SLC12A1: variants seen among roughly 807,000 people sequenced by gnomAD.
The protein encoded by SLC12A1 is solute carrier family 12 member 1, also known as Na-K-2Cl cotransporter.
In SLC12A1, 89 loss-of-function variants were observed where a neutral mutation model predicts 130.4. That is an observed-to-expected ratio of 0.68 (90% CI 0.58 to 0.81). The LOEUF is 0.81. Ranked by LOEUF, SLC12A1 falls within the 40% of genes least tolerant of loss-of-function variation. The probability of loss-of-function intolerance (pLI) is 0.00; values close to 1 mark genes in which losing one functional copy is unlikely to be tolerated. For synonymous variants in SLC12A1, 499 were observed against 460.0 expected (o/e 1.08, Z -1.09); for missense variants, 1,310 against 1,336.4 (o/e 0.98, Z 0.31).
intron 21 of SLC12A1, among the ~76,000 whole-genome samples, chr15:48,287,761 A>G (rs1003137962): frequency 5.3e-5 from 8 of 152,216 alleles, no homozygotes; most frequent in African/African-American, 1.7e-4. Flanking sequence ...GAGACAGATT[A>G]CTAAAGGTCT....
chr15:48,214,950 G>T (rs966893741), intron 2 of SLC12A1, among the ~76,000 whole-genome samples: 2 of 151,424 alleles, frequency 1.3e-5, no homozygotes, highest in African/African-American at 4.9e-5. Flanking sequence ...ACTGTCTCTC[G>T]GTGGTGGTCT....
chr15:48,247,211 A>G (rs760501663), intron 12 of SLC12A1, 126 bp from the exon 13 acceptor site: 2 of 979,688 alleles, frequency 2.0e-6, no homozygotes, highest in Non-Finnish European at 3.1e-6. Context: ...GATAAACTGC[A>G]GTGTTAACTT....
chr15:48,215,734 AC>A, intron 2 of SLC12A1, among the ~76,000 whole-genome samples: 1 of 152,346 alleles, frequency 6.6e-6, no homozygotes, highest in Admixed American at 6.5e-5. Flanking sequence ...AAAGAGTGAA[AC>A]AAAGGTTTGC....
In SLC12A1 at chr15:48,207,997, C is replaced by T; in HGVS notation, c.278C>T (p.Thr93Ile). The T allele has an allele frequency of 4.3e-6, 7 of 1,613,986 alleles. No individual in the cohort carries two copies. The highest frequency in any genetic ancestry group is 5.9e-6 in the Non-Finnish European group (7 of 1,179,888). The change falls in exon 2 of 27, where the codon ACA becomes ATA. Residue 93 changes from threonine (T) to isoleucine (I), a missense_variant. Physicochemically the swap from Thr to Ile is moderately conservative, Grantham distance 89. Transcript: ENST00000380993. ...DASFHAYDSHTNTYYLQTFGH... is the reference protein window; with the variant it reads ...DASFHAYDSHINTYYLQTFGH... ...AGTTTTCACGCTTATGATTCTCACA[C>T]AAACACATACTATCTACAAACTTTT...
At chr15:48,271,974 TCAATGAA>T (rs2041903343) in intron 19 of SLC12A1, among the ~76,000 whole-genome samples, 1 of 152,182 alleles carries the variant, frequency 6.6e-6, no homozygotes, top group South Asian at 2.1e-4. Flanking sequence ...GTGTAAATCT[TCAATGAA>T]ATAGTCCATT....
chr15:48,293,816 G>T (rs1168458948), intron 24 of SLC12A1, among the ~76,000 whole-genome samples: 2 of 151,628 alleles, frequency 1.3e-5, no homozygotes. Context: ...AGGCCAAGAC[G>T]GGAGGATCAC....
At position 48,301,374 on chromosome 15, in the gene SLC12A1, C is replaced by T. The variant is rs2042230240; in HGVS notation, c.3156C>T (p.Leu1052=). 1.3e-6 allele frequency: 2 copies of T among 1,587,032 alleles called. No homozygotes were observed. The highest frequency in any genetic ancestry group is 1.7e-6 in the Non-Finnish European group (2 of 1,165,040). ...AGGAGCACTCCAGAGCTGCTAATCT[C>T]ATTGTCCTGTAAGTATCATTGCAAG... ...LLQEHSRAAN[L]IVLSLPVARK... The change falls in exon 26 of 27, where the codon CTC becomes CTT. Residue 1052 remains leucine (L), a synonymous_variant. Transcript: ENST00000380993.
In SLC12A1 at chr15:48,291,825, A is replaced by G. The variant is rs778813615; in HGVS notation, c.2921A>G (p.His974Arg). The G allele has an allele frequency of 3.2e-6, 5 of 1,572,574 alleles. No homozygotes were observed. Among genetic ancestry groups the G allele is most frequent in the South Asian group, 1.2e-5 (1 of 85,256 alleles). ...TTTAGGATAAAATTTGCAGACATCC[A>G]TATCATCGGTGACATCAACATTAGG... ...SKFRIKFADI[H>R]IIGDINIRPN... The change falls in exon 24 of 27, where the codon CAT becomes CGT. Residue 974 changes from histidine to arginine, a missense_variant. His to Arg is a conservative substitution (Grantham distance 29, BLOSUM62 0). Transcript: ENST00000380993.
chr15:48,280,583 G>A (rs1203063678), intron 20 of SLC12A1, among the ~76,000 whole-genome samples: 2 of 151,956 alleles, frequency 1.3e-5, no homozygotes, highest in Non-Finnish European at 2.9e-5. Flanking sequence ...GTAGCAATGT[G>A]GCCTTATAAA....
intron 23 of SLC12A1, among the ~76,000 whole-genome samples, chr15:48,288,917 C>T (rs979153786): frequency 4.6e-5 from 7 of 152,260 alleles, no homozygotes; most frequent in Middle Eastern, 3.4e-3. Context: ...ATGGCAGTCA[C>T]TCTTAGAACA....
intron 23 of SLC12A1, among the ~76,000 whole-genome samples, chr15:48,289,133 T>C (rs886315623): frequency 6.6e-6 from 1 of 151,730 alleles, no homozygotes; most frequent in Non-Finnish European, 1.5e-5. Context: ...TCTGTATCTT[T>C]CTCATTAATT....
intron 2 of SLC12A1, among the ~76,000 whole-genome samples, chr15:48,219,969 T>C (rs1478017510): frequency 6.6e-6 from 1 of 151,306 alleles, no homozygotes; most frequent in Non-Finnish European, 1.5e-5. Context: ...ATTAGCTGAG[T>C]GTGGTGGTGT....
chr15:48,270,304 C>T (rs1468868771), intron 19 of SLC12A1, among the ~76,000 whole-genome samples: 1 of 152,082 alleles, frequency 6.6e-6, no homozygotes, highest in Non-Finnish European at 1.5e-5. Context: ...TTTGAGGAGA[C>T]TTAGGATGTA....
chr15:48,235,920 C>G (rs1345905403), intron 9 of SLC12A1, among the ~76,000 whole-genome samples: 1 of 152,154 alleles, frequency 6.6e-6, no homozygotes, highest in Non-Finnish European at 1.5e-5. Flanking sequence ...TGTATCGCTC[C>G]TGCTGACATT....
intron 19 of SLC12A1, among the ~76,000 whole-genome samples, chr15:48,273,605 T>C (rs899972097): frequency 6.6e-6 from 1 of 152,240 alleles, no homozygotes; most frequent in Non-Finnish European, 1.5e-5. Flanking sequence ...GATTTGTTTA[T>C]GAGGAATTTA....
chr15:48,292,226 G>A lies in SLC12A1; in HGVS notation c.2960+362G>A, dbSNP rs552389529. ...TTTGTTATTCAGAGTTACTCGTGGG[G>A]CAGCCTGGATGGGGAGCTCTGATGG... is the stretch of plus-strand genomic sequence containing the variant. On this transcript the variant is annotated intron_variant, in intron 24 of 26. Coordinates refer to ENST00000380993, the MANE Select transcript of SLC12A1 (RefSeq NM_000338.3). 2.6e-5 allele frequency among the ~76,000 whole-genome samples: 4 copies of A among 152,282 alleles called. No individual in the cohort carries two copies. The South Asian group carries it at 8.3e-4, about 32-fold the overall frequency.
intron 15 of SLC12A1, 102 bp downstream of exon 15, chr15:48,251,872 T>C (rs2041652946): frequency 1.0e-5 from 10 of 963,826 alleles, no homozygotes; most frequent in Non-Finnish European, 1.6e-5. Flanking sequence ...GTGAGGCATA[T>C]GTAAGGTGGA....
chr15:48,220,991 G>C lies in SLC12A1; in HGVS notation c.623G>C (p.Gly208Ala). 6.2e-7 allele frequency: 1 copy of C among 1,613,818 alleles called. No individual in the cohort carries two copies. ...CTCTCCTGGATTGTTGGAGAAGCTG[G>C]AATTGGTAAGCATTTTTCCCCTCCT... ...IRLSWIVGEA[G>A]IGLGVLIILL... Residue 208 changes from glycine to alanine, a missense_variant, in exon 4 of 27, where the codon GGA becomes GCA. Coordinates refer to ENST00000380993, the MANE Select transcript of SLC12A1 (RefSeq NM_000338.3).
chr15:48,270,573 A>G (rs903477059), intron 19 of SLC12A1, among the ~76,000 whole-genome samples: 1 of 147,224 alleles, frequency 6.8e-6, no homozygotes, highest in Non-Finnish European at 1.5e-5. Context: ...CTTTCTCTAT[A>G]TATTATATAC....
Sources: gnomAD v4.1 joint callset for allele counts (sites outside exome capture counted in the v4.1 genomes callset) on GRCh38, gnomAD v4.1.1 for gene constraint, MANE v1.5 for transcripts, NCBI Gene and HGNC (gene_info 2026-07-23, HGNC 2026-07-21) for gene names.